Variants in RYR2 observed in about 807,000 individuals in gnomAD.
RYR2 encodes ryanodine receptor 2.
A neutral mutation model predicts 601.1 loss-of-function variants in RYR2; 227 were observed. The observed-to-expected ratio is 0.38, with a 90% CI of 0.34 to 0.42. RYR2 has a LOEUF of 0.42. Ranked by LOEUF, RYR2 falls within the 10% of genes least tolerant of loss-of-function variation. RYR2 has a pLI of 1.00. For missense variants in RYR2, 4,646 were observed against 6,156.5 expected (o/e 0.75, Z 8.21); for synonymous variants, 2,223 against 2,175.1 (o/e 1.02, Z -0.61).
chr1:237,343,613 C>T (rs968783824), intron 3 of RYR2, among the ~76,000 whole-genome samples: 1 of 151,932 alleles, frequency 6.6e-6, no homozygotes, highest in African/African-American at 2.4e-5. Flanking sequence ...CAGTCATGGA[C>T]TGGAAGTTTT....
chr1:237,303,591 C>T (rs12134865), intron 2 of RYR2, among the ~76,000 whole-genome samples: 39,142 of 151,980 alleles, frequency 0.26, 5,879 homozygotes, highest in South Asian at 0.36. Context: ...TGAGCCACTG[C>T]GCCCAGCTGG....
chr1:237,703,355 C>T lies in RYR2; in HGVS notation c.9449+1296C>T, dbSNP rs1157660576. On this transcript the variant is annotated intron_variant, in intron 66 of 104. Coordinates refer to ENST00000366574, the MANE Select transcript of RYR2 (RefSeq NM_001035.3). ...ATCCCTATTTATATTTTCAAATGCACTTTCCTGATTACCATCTACTTGCTA... is the reference window on the plus strand; with the variant it reads ...ATCCCTATTTATATTTTCAAATGCATTTTCCTGATTACCATCTACTTGCTA... Among the ~76,000 whole-genome samples, 6 of 151,556 alleles carry T rather than the reference C, an allele frequency of 4.0e-5. No individual in the cohort carries two copies. In the South Asian group the frequency reaches 1.0e-3, roughly 26 times the overall value.
chr1:237,548,338 G>A (rs1439124102), intron 25 of RYR2, 93 bp from the exon 26 acceptor site: 1 of 1,340,364 alleles, frequency 7.5e-7, no homozygotes, highest in Non-Finnish European at 1.0e-6. Flanking sequence ...GTTTATGGAA[G>A]AACAGTAATG....
At chr1:237,546,989 A>ATTTATTTATTTATT (rs142758030) in intron 25 of RYR2, among the ~76,000 whole-genome samples, 18 of 132,940 alleles carry the variant, frequency 1.4e-4, no homozygotes, top group African/African-American at 4.0e-4. Context: ...ATATATATAT[A>ATTTATTTATTTATT]TATATATTTA....
At chr1:237,608,226 A>C (rs1677370155) in intron 35 of RYR2, among the ~76,000 whole-genome samples, 1 of 152,234 alleles carries the variant, frequency 6.6e-6, no homozygotes, top group African/African-American at 2.4e-5. Flanking sequence ...AGAACTCTCA[A>C]GAATGTTGGA....
Position 237,455,786 on chromosome 1 carries a change from A to G in RYR2, c.1477-814A>G, listed in dbSNP as rs1658737437. On this transcript the variant is annotated intron_variant, in intron 15 of 104. Coordinates refer to ENST00000366574, the MANE Select transcript of RYR2 (RefSeq NM_001035.3). ...AACGGCACGAAAGCAAAAAAGTATC[A>G]ACATAAACCAATAATAACGTGGACT... 2.0e-5 allele frequency among the ~76,000 whole-genome samples: 3 copies of G among 152,238 alleles called. No homozygotes were observed. The South Asian group carries it at 6.2e-4, about 31-fold the overall frequency.
At chr1:237,240,882 A>G (rs544305913) in intron 1 of RYR2, among the ~76,000 whole-genome samples, 3 of 152,308 alleles carry the variant, frequency 2.0e-5, no homozygotes, top group Admixed American at 2.0e-4. Context: ...AAGTAAAACC[A>G]TGAAAACAGT....
At chr1:237,358,205 C>T (rs1460006270) in intron 4 of RYR2, among the ~76,000 whole-genome samples, 3 of 152,156 alleles carry the variant, frequency 2.0e-5, no homozygotes, top group African/African-American at 7.2e-5. Flanking sequence ...ACCCCACAGA[C>T]ATTTCAAGTC....
chr1:237,127,423 C>A (rs538079199), intron 1 of RYR2, among the ~76,000 whole-genome samples: 1 of 150,632 alleles, frequency 6.6e-6, no homozygotes, highest in African/African-American at 2.4e-5. Context: ...GCTGACCCCC[C>A]CACCTCCCTC....
In RYR2 at chr1:237,708,869, C is replaced by G; in HGVS notation, c.9913C>G (p.Pro3305Ala). ...WMKRLAVFSQ[P>A]IINKVKPQLL... ...CTGTCTTTAAACAGTGTTTTCCCAG[C>G]CTATAATAAATAAAGTGAAACCTCA... Residue 3305 changes from proline to alanine, a missense_variant, in exon 69 of 105, where the codon CCT becomes GCT. Around this residue, in one of 17 missense-constraint regions of RYR2, gnomAD observed 1,497 missense variants for 1,842.6 expected, o/e 0.81. Coordinates refer to ENST00000366574, the MANE Select transcript of RYR2 (RefSeq NM_001035.3). The G allele has an allele frequency of 1.9e-6, 3 of 1,609,618 alleles. No homozygotes were observed. Among genetic ancestry groups the G allele is most frequent in the Non-Finnish European group, 2.5e-6 (3 of 1,176,886 alleles).
intron 1 of RYR2, among the ~76,000 whole-genome samples, chr1:237,048,249 GTGCC>G (rs1660834332): frequency 6.6e-6 from 1 of 152,304 alleles, no homozygotes; most frequent in African/African-American, 2.4e-5. Flanking sequence ...TAGAACAACA[GTGCC>G]TGGCTCATGG....
chr1:237,819,099 G>C lies in RYR2; in HGVS notation c.14497G>C (p.Asp4833His), dbSNP rs1277507848. 1 of 1,613,790 alleles carries C rather than the reference G, an allele frequency of 6.2e-7. No homozygotes were observed. Among genetic ancestry groups the C allele is most frequent in the South Asian group, 1.1e-5 (1 of 91,082 alleles). Residue 4833 changes from aspartate (D) to histidine (H), a missense_variant, in exon 101 of 105, where the codon GAC becomes CAC. Physicochemically the swap from Asp to His is moderately conservative, Grantham distance 81. Coordinates refer to ENST00000366574, the MANE Select transcript of RYR2 (RefSeq NM_001035.3). This position sits in a 1 kb window ranked among gnomAD's most constrained non-coding sequence, Gnocchi z 4.0. ...AGGAGGGATCGGGGATGAAATCGAA[G>C]ACCCAGCAGGAGATGAATATGAGAT... is the stretch of plus-strand genomic sequence containing the variant. ...AGGGIGDEIE[D>H]PAGDEYEIYR...
rs539021736 is a variant in RYR2 at position 237,614,728 on chromosome 1, A to C, written c.5600A>C (p.Glu1867Ala). Residue 1867 changes from glutamate (E) to alanine (A), a missense_variant, in exon 37 of 105, where the codon GAG (glutamate) becomes GCG (alanine). Glu to Ala is a moderately radical substitution (Grantham distance 107). Coordinates refer to ENST00000366574, the MANE Select transcript of RYR2 (RefSeq NM_001035.3). The surrounding 1 kb of genome is among the most constrained non-coding windows in gnomAD (Gnocchi z 4.3). The part of the protein sequence containing the change: ...PEEESDTLEK[E>A]LSVDDAKLQG... ...GAGGAGAGTGACACGCTGGAGAAAG[A>C]GCTCAGTGTGGACGATGCAAAGCTG... 20 of 1,613,904 alleles carry C rather than the reference A, an allele frequency of 1.2e-5. No individual in the cohort carries two copies. Among genetic ancestry groups the C allele is most frequent in the Admixed American group, 5.0e-5 (3 of 60,004 alleles).
chr1:237,492,093 C>T (rs1270171437), intron 18 of RYR2, among the ~76,000 whole-genome samples, 169 bp downstream of exon 18: 3 of 152,132 alleles, frequency 2.0e-5, no homozygotes, highest in East Asian at 1.9e-4. Context: ...AGTGCAGTGG[C>T]GCGATCTCAG....
At position 237,603,184 on chromosome 1, in the gene RYR2, C is replaced by T. The variant is rs568349923; in HGVS notation, c.4683+1073C>T. 1.1e-3 allele frequency among the ~76,000 whole-genome samples: 163 copies of T among 152,250 alleles called. 1 individual carries two copies. Among genetic ancestry groups the T allele is most frequent in the African/African-American group, 3.9e-3 (161 of 41,530 alleles). On this transcript the variant is annotated intron_variant, in intron 35 of 104. Coordinates refer to ENST00000366574, the MANE Select transcript of RYR2 (RefSeq NM_001035.3). ...CGTTCATGAATGGATGAACGAGATT[C>T]CCACTGTCCCTACCTACTATCCAGC...
intron 1 of RYR2, among the ~76,000 whole-genome samples, chr1:237,197,308 T>C (rs1012100243): frequency 3.3e-5 from 5 of 152,216 alleles, no homozygotes; most frequent in African/African-American, 9.7e-5. Flanking sequence ...ATATTTGCTA[T>C]AGGATTTCAA....
At chr1:237,047,628 C>T (rs1660755671) in intron 1 of RYR2, among the ~76,000 whole-genome samples, 2 of 152,152 alleles carry the variant, frequency 1.3e-5, no homozygotes, top group African/African-American at 4.8e-5. Flanking sequence ...CTTGCCACGT[C>T]TAAATGTCCC....
rs1668748757 is a variant in RYR2 at position 237,106,950 on chromosome 1, C to T, written c.48+64381C>T. 6.6e-6 allele frequency among the ~76,000 whole-genome samples: 1 copy of T among 152,120 alleles called. No individual in the cohort carries two copies. Among genetic ancestry groups the T allele is most frequent in the Non-Finnish European group, 1.5e-5 (1 of 68,028 alleles). Reference sequence around the variant, plus strand: ...AAGGCCCCGCCTCCTAATGCCATTACATTTGGGGTTAAGATTTTAACATAT... The same window carrying T: ...AAGGCCCCGCCTCCTAATGCCATTATATTTGGGGTTAAGATTTTAACATAT... On this transcript the variant is annotated intron_variant, in intron 1 of 104. Transcript: ENST00000366574. The surrounding 1 kb of genome is among the most constrained non-coding windows in gnomAD (Gnocchi z 4.4).
At chr1:237,605,050 G>A (rs1676953649) in intron 35 of RYR2, among the ~76,000 whole-genome samples, 3 of 152,030 alleles carry the variant, frequency 2.0e-5, no homozygotes, top group Admixed American at 1.3e-4. Context: ...GAAAAAGAGG[G>A]AATCCTCCCT....
Sources: allele counts gnomAD v4.1 joint callset (sites outside exome capture counted in the v4.1 genomes callset), GRCh38; gene constraint gnomAD v4.1.1; regional missense constraint gnomAD v4.1.1; non-coding constraint Gnocchi (gnomAD v3.1); transcripts MANE v1.5; gene names NCBI Gene and HGNC (gene_info 2026-07-23, HGNC 2026-07-21).